RP1: variants seen among roughly 807,000 people sequenced by gnomAD.
RP1 encodes the protein oxygen-regulated protein 1.
A neutral mutation model predicts 14.8 loss-of-function variants in RP1; 16 were observed. The observed-to-expected ratio is 1.08, with a 90% CI of 0.73 to 1.65. RP1 has a LOEUF of 1.65. Among genes scored for constraint, RP1 ranks in the 40% most tolerant of loss-of-function variants. RP1 has a pLI of 0.00. For missense variants in RP1, 2,631 were observed against 2,535.0 expected (o/e 1.04, Z -0.81); for synonymous variants, 876 against 883.6 (o/e 0.99, Z 0.15).
chr8:54,795,043 C>A (rs1042485430), intron 24 of RP1, among the ~76,000 whole-genome samples: 1 of 151,884 alleles, frequency 6.6e-6, no homozygotes, highest in African/African-American at 2.4e-5. Context: ...CAATGAGATA[C>A]CACATCTAAC....
At chr8:54,590,742 C>G (rs1050363939) in intron 1 of RP1, among the ~76,000 whole-genome samples, 2 of 152,194 alleles carry the variant, frequency 1.3e-5, no homozygotes, top group Non-Finnish European at 2.9e-5. Context: ...GTATTACTCT[C>G]AAATTTACAT....
intron 24 of RP1, among the ~76,000 whole-genome samples, chr8:54,784,263 TAGA>T (rs1013043008): frequency 6.6e-6 from 1 of 152,172 alleles, no homozygotes; most frequent in African/African-American, 2.4e-5. Flanking sequence ...TTCGTAGGGT[TAGA>T]ATGAGGATTA....
intron 24 of RP1, among the ~76,000 whole-genome samples, chr8:54,785,796 C>A (rs1255980476): frequency 6.6e-6 from 1 of 151,990 alleles, no homozygotes; most frequent in South Asian, 2.1e-4. Context: ...ATGTTGAGCA[C>A]CTTTTCATAT....
intron 24 of RP1, among the ~76,000 whole-genome samples, chr8:54,815,681 A>G (rs147818851): frequency 2.6e-5 from 4 of 152,252 alleles, no homozygotes; most frequent in Non-Finnish European, 4.4e-5. Flanking sequence ...TTACAAAAAC[A>G]GAAGTGTGTG....
chr8:54,648,371 C>A (rs912171378), intron 3 of RP1, among the ~76,000 whole-genome samples: 1 of 151,890 alleles, frequency 6.6e-6, no homozygotes, highest in African/African-American at 2.4e-5. Context: ...TCACAGTGAG[C>A]CATATGTTTT....
At chr8:54,587,456 A>G (rs1432407143) in intron 1 of RP1, among the ~76,000 whole-genome samples, 3 of 151,044 alleles carry the variant, frequency 2.0e-5, no homozygotes, top group Non-Finnish European at 4.4e-5. Context: ...GAGAGAGAGC[A>G]TGTCCATTTT....
intron 1 of RP1, among the ~76,000 whole-genome samples, chr8:54,562,776 T>G (rs1427732199): frequency 6.6e-6 from 1 of 152,202 alleles, no homozygotes; most frequent in African/African-American, 2.4e-5. Flanking sequence ...CAAAAATCAT[T>G]TTTCTAGCAG....
chr8:54,582,719 A>G (rs1288977274), intron 1 of RP1, among the ~76,000 whole-genome samples: 1 of 152,092 alleles, frequency 6.6e-6, no homozygotes, highest in Non-Finnish European at 1.5e-5. Context: ...AGTCCTTCAC[A>G]TACCTTGTAA....
intron 12 of RP1, chr8:54,680,060 A>T (rs1807392607): frequency 8.4e-7 from 1 of 1,189,140 alleles, no homozygotes. Context: ...GTGTTAGGCC[A>T]TTTAAATAAT....
intron 15 of RP1, chr8:54,720,118 A>G (rs1224301822): frequency 2.0e-6 from 3 of 1,499,588 alleles, no homozygotes; most frequent in Non-Finnish European, 2.7e-6. Flanking sequence ...ATCATTTTGT[A>G]TTGATTGTAG....
intron 1 of RP1, among the ~76,000 whole-genome samples, chr8:54,595,347 T>C (rs1805118462): frequency 6.6e-6 from 1 of 152,132 alleles, no homozygotes; most frequent in South Asian, 2.1e-4. Flanking sequence ...GCCAGGATGG[T>C]CTTGATCTCC....
chr8:54,609,754 G>T (rs1805547683), intron 1 of RP1, among the ~76,000 whole-genome samples: 1 of 152,082 alleles, frequency 6.6e-6, no homozygotes, highest in South Asian at 2.1e-4. Flanking sequence ...ACCTCTACCA[G>T]CATCACTGCC....
intron 24 of RP1, among the ~76,000 whole-genome samples, chr8:54,834,395 G>A (rs1811609473): frequency 6.6e-6 from 1 of 151,952 alleles, no homozygotes; most frequent in Non-Finnish European, 1.5e-5. Flanking sequence ...AGATTTTTGA[G>A]GAAAGGGCTT....
chr8:54,859,749 A>G (rs1020638940), intron 27 of RP1, among the ~76,000 whole-genome samples: 4 of 152,030 alleles, frequency 2.6e-5, no homozygotes, highest in Non-Finnish European at 5.9e-5. Flanking sequence ...TGCCTTTTAG[A>G]TTACTTTTAT....
At chr8:54,781,567 G>A (rs1257459822) in intron 23 of RP1, among the ~76,000 whole-genome samples, 5 of 152,040 alleles carry the variant, frequency 3.3e-5, no homozygotes. Flanking sequence ...TTTTAGCCCT[G>A]TTATAAATAA....
intron 24 of RP1, among the ~76,000 whole-genome samples, chr8:54,817,049 A>C (rs1811149801): frequency 6.6e-6 from 1 of 152,064 alleles, no homozygotes; most frequent in South Asian, 2.1e-4. Context: ...CACCCTATCT[A>C]GAATGACCAC....
chr8:54,701,621 G>A, exon 14 of RP1: 1 of 1,535,482 alleles, frequency 6.5e-7, no homozygotes, highest in Non-Finnish European at 8.7e-7. Context: ...ATCATCAGCA[G>A]GCTATGCAAA....
chr8:54,776,904 C>T (rs1810054166), intron 23 of RP1, among the ~76,000 whole-genome samples: 1 of 152,120 alleles, frequency 6.6e-6, no homozygotes, highest in South Asian at 2.1e-4. Context: ...TATAGTTGTC[C>T]TACCTGAATA....
chr8:54,652,691 C>T, intron 4 of RP1: 1 of 833,396 alleles, frequency 1.2e-6, no homozygotes, highest in South Asian at 1.5e-5. Context: ...GAATTGACCC[C>T]TTTATCAACA....
Sources: allele counts gnomAD v4.1 joint callset (sites outside exome capture counted in the v4.1 genomes callset), GRCh38; gene constraint gnomAD v4.1.1; transcripts MANE v1.5; gene names NCBI Gene and HGNC (gene_info 2026-07-23, HGNC 2026-07-21).